MTMR7: variants seen among roughly 807,000 people sequenced by gnomAD.
The protein encoded by MTMR7 is phosphatidylinositol-3-phosphate phosphatase MTMR7.
Under a neutral mutation model 81.2 loss-of-function variants are expected in MTMR7, and 76 were observed. The ratio of observed to expected loss-of-function variants is 0.94; its 90% CI spans 0.78 to 1.13. MTMR7 has a LOEUF of 1.13. Among genes scored for constraint, MTMR7 ranks in the 50% most tolerant of loss-of-function variants. The pLI is 0.00. For missense variants in MTMR7, 1,044 were observed against 820.0 expected, an observed-to-expected ratio of 1.27 and a Z score of -3.34; for synonymous variants, 372 against 289.8, an observed-to-expected ratio of 1.28 and a Z score of -2.88.
chr8:17,334,188 A>C (rs750463947), intron 6 of MTMR7, among the ~76,000 whole-genome samples: 1 of 152,160 alleles, frequency 6.6e-6, no homozygotes, highest in Non-Finnish European at 1.5e-5. Context: ...ATTTCTTAGG[A>C]TCTCCACCTT....
intron 7 of MTMR7, among the ~76,000 whole-genome samples, chr8:17,330,186 C>T (rs902247110): frequency 6.6e-6 from 1 of 152,182 alleles, no homozygotes; most frequent in Non-Finnish European, 1.5e-5. Context: ...TCTGATTAAA[C>T]GAAGAACGGC....
At chr8:17,342,977 C>G (rs886207177) in intron 5 of MTMR7, among the ~76,000 whole-genome samples, 2 of 151,914 alleles carry the variant, frequency 1.3e-5, no homozygotes, top group East Asian at 1.9e-4. Flanking sequence ...AAGCTATGTC[C>G]GAAGACCAGA....
At chr8:17,390,143 C>G (rs529403952) in intron 1 of MTMR7, among the ~76,000 whole-genome samples, 2 of 151,942 alleles carry the variant, frequency 1.3e-5, no homozygotes, top group East Asian at 3.9e-4. Context: ...ATAACTGACA[C>G]TGGGTAATTT....
intron 9 of MTMR7, among the ~76,000 whole-genome samples, chr8:17,310,523 G>A (rs1817727782): frequency 1.3e-5 from 2 of 152,136 alleles, no homozygotes; most frequent in Non-Finnish European, 2.9e-5. Flanking sequence ...TAAGGGCAGT[G>A]TGTGACTGGC....
At position 17,299,150 on chromosome 8, in the gene MTMR7, T is replaced by A. The variant is rs1816932977; in HGVS notation, c.*712A>T. 6.6e-6 allele frequency: 1 copy of A among 152,220 alleles called. No homozygotes were observed. Among genetic ancestry groups the A allele is most frequent in the Admixed American group, 6.5e-5 (1 of 15,284 alleles). The allele number at this position is 152,220 out of a possible 1,614,324, so 9.4% of individuals were successfully genotyped here. A position where few individuals can be genotyped will look rare whatever the true frequency, so the allele number is the denominator to read the frequency against. On this transcript the variant is annotated 3_prime_UTR_variant, in exon 14 of 14. Transcript: ENST00000180173. Reference sequence around the variant, plus strand: ...TATGTAAGACCAGGAGAATGAATGTTGCTTCTACCTCGTTAGCTATTAAAT... The same window carrying A: ...TATGTAAGACCAGGAGAATGAATGTAGCTTCTACCTCGTTAGCTATTAAAT...
chr8:17,354,415 A>T (rs1475537821), intron 4 of MTMR7, among the ~76,000 whole-genome samples: 1 of 152,190 alleles, frequency 6.6e-6, no homozygotes, highest in African/African-American at 2.4e-5. Flanking sequence ...AAATTACTTT[A>T]TTTAAATAAA....
At chr8:17,309,223 T>G in intron 10 of MTMR7, 54 bp downstream of exon 10, 2 of 1,186,020 alleles carry the variant, frequency 1.7e-6, no homozygotes, top group Non-Finnish European at 2.5e-6. Flanking sequence ...ATTGAAATTT[T>G]CAGAAACAGT....
At chr8:17,321,740 CAT>C (rs1818397890) in intron 7 of MTMR7, among the ~76,000 whole-genome samples, 1 of 152,168 alleles carries the variant, frequency 6.6e-6, no homozygotes, top group Non-Finnish European at 1.5e-5. Flanking sequence ...ACATCAGAGA[CAT>C]ATGCCACAAA....
chr8:17,342,924 G>C (rs559265517), intron 5 of MTMR7, among the ~76,000 whole-genome samples: 2 of 152,144 alleles, frequency 1.3e-5, no homozygotes, highest in South Asian at 4.2e-4. Flanking sequence ...GGAGCAAGGG[G>C]AAGTGAAGAT....
intron 7 of MTMR7, among the ~76,000 whole-genome samples, chr8:17,330,676 G>A (rs539166705): frequency 6.6e-6 from 1 of 152,304 alleles, no homozygotes; most frequent in African/African-American, 2.4e-5. Context: ...GGTGGCGGGA[G>A]GTTACATGCA....
chr8:17,318,288 C>T (rs996591494), intron 7 of MTMR7, among the ~76,000 whole-genome samples: 1 of 152,096 alleles, frequency 6.6e-6, no homozygotes, highest in Non-Finnish European at 1.5e-5. Context: ...AGACGTACAC[C>T]AAATGCTGCT....
At chr8:17,373,574 GTGTA>G (rs1820485434) in intron 1 of MTMR7, among the ~76,000 whole-genome samples, 1 of 152,140 alleles carries the variant, frequency 6.6e-6, no homozygotes, top group Non-Finnish European at 1.5e-5. Flanking sequence ...AAAGCAGAAA[GTGTA>G]TGTGTTAATG....
At chr8:17,379,490 G>C (rs890070181) in intron 1 of MTMR7, among the ~76,000 whole-genome samples, 1 of 152,206 alleles carries the variant, frequency 6.6e-6, no homozygotes, top group Non-Finnish European at 1.5e-5. Flanking sequence ...GACTCCATTA[G>C]GCCGGATTGA....
chr8:17,334,204 C>T (rs1819150365), intron 6 of MTMR7, among the ~76,000 whole-genome samples: 1 of 152,280 alleles, frequency 6.6e-6, no homozygotes, highest in South Asian at 2.1e-4. Flanking sequence ...ACCTTTTTTA[C>T]AGGACCTATC....
chr8:17,331,063 A>C (rs1818973764), intron 7 of MTMR7, 87 bp downstream of exon 7: 1 of 1,480,874 alleles, frequency 6.8e-7, no homozygotes. Context: ...CTATGTAAAA[A>C]CATTTTAAAA....
intron 1 of MTMR7, among the ~76,000 whole-genome samples, chr8:17,399,418 T>C (rs1350213881): frequency 1.3e-5 from 2 of 151,566 alleles, no homozygotes; most frequent in Non-Finnish European, 1.5e-5. Context: ...AGGAAACAAT[T>C]TAACTTAAGT....
At chr8:17,300,339 G>A in intron 13 of MTMR7, 115 bp from the exon 14 acceptor site, 2 of 1,150,644 alleles carry the variant, frequency 1.7e-6, no homozygotes, top group Non-Finnish European at 2.4e-6. Flanking sequence ...AAGAACATGT[G>A]ACTCAGAGGG....
In MTMR7 at chr8:17,298,784, G is replaced by T. The variant is rs2246121; in HGVS notation, c.*1078C>A. ...GTCTTTTTTAACTCATAAGATAGGG[G>T]AGGGACTCTCCCTTAAATGTGCAGT... On this transcript the variant is annotated 3_prime_UTR_variant, in exon 14 of 14. Coordinates refer to ENST00000180173, the MANE Select transcript of MTMR7 (RefSeq NM_004686.5). 2.0e-5 allele frequency: 3 copies of T among 152,372 alleles called. No individual in the cohort carries two copies. Among genetic ancestry groups the T allele is most frequent in the Non-Finnish European group, 4.4e-5 (3 of 67,958 alleles). The allele number at this position is 152,372 out of a possible 1,614,324, so 9.4% of individuals were successfully genotyped here.
At chr8:17,344,567 T>C (rs909478536) in intron 5 of MTMR7, among the ~76,000 whole-genome samples, 7 of 152,100 alleles carry the variant, frequency 4.6e-5, no homozygotes, top group Admixed American at 1.3e-4. Context: ...GCTGAGATCA[T>C]GCCACTGCAC....
Sources: gnomAD v4.1 joint callset for allele counts (sites outside exome capture counted in the v4.1 genomes callset) on GRCh38, gnomAD v4.1.1 for gene constraint, MANE v1.5 for transcripts, NCBI Gene and HGNC (gene_info 2026-07-23, HGNC 2026-07-21) for gene names.